Variants in PLEKHG1 observed in about 807,000 individuals in gnomAD.
PLEKHG1 encodes pleckstrin homology domain-containing family G member 1.
In PLEKHG1, 44 loss-of-function variants were observed where a neutral mutation model predicts 100.8. The observed-to-expected ratio is 0.44, with a 90% CI of 0.34 to 0.56. The LOEUF is 0.56. PLEKHG1 is among the 20% of genes least tolerant of loss of function. PLEKHG1 has a pLI of 0.01. For synonymous variants in PLEKHG1, 640 were observed against 662.5 expected (o/e 0.97, Z 0.52); for missense variants, 1,545 against 1,720.9 (o/e 0.90, Z 1.81).
intron 2 of PLEKHG1, among the ~76,000 whole-genome samples, chr6:150,737,604 TAA>T (rs1351778455): frequency 1.3e-5 from 2 of 152,232 alleles, no homozygotes; most frequent in African/African-American, 4.8e-5. Context: ...GGTATTCTTT[TAA>T]AACATAGAAT....
At chr6:150,762,207 T>C (rs897993100) in intron 2 of PLEKHG1, among the ~76,000 whole-genome samples, 6 of 151,528 alleles carry the variant, frequency 4.0e-5, no homozygotes, top group African/African-American at 1.2e-4. Context: ...TTTTCTTTTT[T>C]TTTTTTGAGT....
intron 3 of PLEKHG1, among the ~76,000 whole-genome samples, chr6:150,706,998 C>CTTTTTTTTTTTTTTTTTTTTTTTT (rs71014517): frequency 3.9e-5 from 2 of 51,934 alleles, no homozygotes; most frequent in Non-Finnish European, 6.4e-5. Flanking sequence ...TTTTCTTTTT[C>CTTTTTTTTTTTTTTTTTTTTTTTT]TTTTTTTTTT....
intron 10 of PLEKHG1, among the ~76,000 whole-genome samples, chr6:150,810,971 G>A (rs1438677150): frequency 6.6e-6 from 1 of 152,018 alleles, no homozygotes; most frequent in Admixed American, 6.6e-5. Flanking sequence ...TGGAGGTGGT[G>A]GTGTTTTTCC....
intron 7 of PLEKHG1, among the ~76,000 whole-genome samples, chr6:150,805,228 C>A (rs1221083070): frequency 6.6e-6 from 1 of 152,216 alleles, no homozygotes; most frequent in Non-Finnish European, 1.5e-5. Flanking sequence ...AGCCACCACA[C>A]CCGGCCGACA....
In PLEKHG1 at chr6:150,654,192, G is replaced by A. The variant is rs767421241; in HGVS notation, c.-99+3406G>A. 2.6e-5 allele frequency among the ~76,000 whole-genome samples: 4 copies of A among 152,352 alleles called. No individual in the cohort carries two copies. The East Asian group carries it at 5.8e-4, about 22-fold the overall frequency. ...GATGCACATTCATGTTCCAAGGCAC[G>A]TCCAGGCACCGGGTGCTGAGGGCGT... On this transcript the variant is annotated intron_variant, in intron 3 of 3. Coordinates refer to the PLEKHG1 transcript ENST00000367326.
At chr6:150,691,037 C>T (rs1052361486) in intron 3 of PLEKHG1, among the ~76,000 whole-genome samples, 2 of 152,166 alleles carry the variant, frequency 1.3e-5, no homozygotes, top group African/African-American at 2.4e-5. Flanking sequence ...TCCACCATGG[C>T]GGTTGTCCTA....
rs368725764 is a variant in PLEKHG1, at chr6:150,619,264, G to T, written c.-203-18816G>T. Among the ~76,000 whole-genome samples, 5 of 152,126 alleles carry T rather than the reference G, an allele frequency of 3.3e-5. No homozygotes were observed. The East Asian group carries it at 9.7e-4, about 29-fold the overall frequency. On this transcript the variant is annotated intron_variant, in intron 1 of 3. Transcript: ENST00000367326. Reference sequence around the variant, plus strand: ...TTGCACTCAGTTTCTCCTTCCAGTGGTCTCCTTTGCACTTTAGCACCCCTG... The same window carrying T: ...TTGCACTCAGTTTCTCCTTCCAGTGTTCTCCTTTGCACTTTAGCACCCCTG...
At chr6:150,713,308 T>C (rs1204150184) in intron 3 of PLEKHG1, among the ~76,000 whole-genome samples, 2 of 152,182 alleles carry the variant, frequency 1.3e-5, no homozygotes, top group African/African-American at 2.4e-5. Context: ...TAGTAAGTCA[T>C]CTCAACTCAT....
chr6:150,604,085 C>G (rs1776486908), intron 1 of PLEKHG1, among the ~76,000 whole-genome samples: 2 of 152,132 alleles, frequency 1.3e-5, no homozygotes, highest in African/African-American at 4.8e-5. Flanking sequence ...TGGCCAAAAG[C>G]TAGCAAGCCC....
Position 150,665,474 on chromosome 6 carries a change from C to CA in PLEKHG1, c.-99+14694dup, listed in dbSNP as rs529628303. 2.6e-4 allele frequency among the ~76,000 whole-genome samples: 40 copies of CA among 151,742 alleles called. No homozygotes were observed. In the East Asian group the frequency reaches 7.8e-3, roughly 30 times the overall value. On this transcript the variant is annotated intron_variant, in intron 3 of 3. Coordinates refer to the PLEKHG1 transcript ENST00000367326. ...TGAAACCCTGTCTCTACAAAAAATACAAAAAATTAGCTGGGCATGGTGGCA... is the reference window on the plus strand; with the variant it reads ...TGAAACCCTGTCTCTACAAAAAATACAAAAAAATTAGCTGGGCATGGTGGCA...
chr6:150,784,970 G>A (rs1785529165), intron 3 of PLEKHG1, among the ~76,000 whole-genome samples: 1 of 150,514 alleles, frequency 6.6e-6, no homozygotes, highest in African/African-American at 2.4e-5. Context: ...CAGCGCTTCA[G>A]AAAGATCACT....
intron 3 of PLEKHG1, among the ~76,000 whole-genome samples, chr6:150,697,271 G>A (rs982087363): frequency 1.3e-5 from 2 of 152,140 alleles, no homozygotes; most frequent in African/African-American, 4.8e-5. Flanking sequence ...TGGATAAAAT[G>A]GTAAAGTTTC....
chr6:150,685,796 G>T (rs1562435529), intron 3 of PLEKHG1, among the ~76,000 whole-genome samples: 1 of 152,126 alleles, frequency 6.6e-6, no homozygotes, highest in African/African-American at 2.4e-5. Flanking sequence ...CCTACCTCCT[G>T]CAGAAACTAT....
In PLEKHG1 at chr6:150,600,815, C is replaced by T. The variant is rs1373360510; in HGVS notation, c.-204+798C>T. On this transcript the variant is annotated intron_variant, in intron 1 of 3. Transcript: ENST00000367326. The surrounding 1 kb of genome is among the most constrained non-coding windows in gnomAD (Gnocchi z 6.2). ...ACTGGGAGAACGGCGCTCGGCTGGT[C>T]AATTCATTCCGCTCCTCGGAAACAA... The T allele has an allele frequency of 6.6e-6, 1 of 152,238 alleles. No individual in the cohort carries two copies. 9.4% of individuals were successfully genotyped at this position (152,238 alleles called of 1,614,324 possible).
chr6:150,644,678 T>C (rs1334578170), intron 2 of PLEKHG1, among the ~76,000 whole-genome samples: 1 of 152,106 alleles, frequency 6.6e-6, no homozygotes, highest in Non-Finnish European at 1.5e-5. Context: ...TCTTGGTATT[T>C]CCAAATATAT....
At chr6:150,827,794 T>G in intron 14 of PLEKHG1, 1 of 1,434,630 alleles carries the variant, frequency 7.0e-7, no homozygotes, top group Non-Finnish European at 9.8e-7. Flanking sequence ...CAGCAGTCAG[T>G]GGTGAAAACA....
At chr6:150,828,075 G>T in intron 14 of PLEKHG1, 1 of 1,612,918 alleles carries the variant, frequency 6.2e-7, no homozygotes, top group Non-Finnish European at 8.5e-7. Flanking sequence ...CAGTGGACTT[G>T]CCAGGAAGTT....
chr6:150,804,155 T>TA (rs1554276213), intron 6 of PLEKHG1, among the ~76,000 whole-genome samples: 501 of 30,234 alleles, frequency 0.017, 11 homozygotes, highest in East Asian at 0.062. Flanking sequence ...TGTAAATATT[T>TA]TATATATATA....
chr6:150,777,615 CAT>C (rs1400226352), intron 3 of PLEKHG1, among the ~76,000 whole-genome samples: 8 of 150,866 alleles, frequency 5.3e-5, no homozygotes, highest in Non-Finnish European at 1.5e-5. Context: ...TCCTGGTGCA[CAT>C]GTGTGGTTGC....
Sources: allele counts gnomAD v4.1 joint callset (sites outside exome capture counted in the v4.1 genomes callset), GRCh38; gene constraint gnomAD v4.1.1; non-coding constraint Gnocchi (gnomAD v3.1); transcripts MANE v1.5; gene names NCBI Gene and HGNC (gene_info 2026-07-23, HGNC 2026-07-21).